IL17B: variants seen among roughly 807,000 people sequenced by gnomAD.
The protein encoded by IL17B is interleukin-17B.
A neutral mutation model predicts 14.7 loss-of-function variants in IL17B; 14 were observed. The ratio of observed to expected loss-of-function variants is 0.95; its 90% CI spans 0.63 to 1.49. IL17B has a LOEUF of 1.49. Ranked by LOEUF, IL17B falls within the 40% of genes most tolerant of loss-of-function variation. The pLI is 0.00. For synonymous variants in IL17B, 105 were observed against 94.8 expected (o/e 1.11, Z -0.62); for missense variants, 233 against 252.8 (o/e 0.92, Z 0.53).
At chr5:149,396,440 A>G (rs879298837) in intron 1 of IL17B, among the ~76,000 whole-genome samples, 16 of 152,342 alleles carry the variant, frequency 1.1e-4, no homozygotes, top group Non-Finnish European at 1.9e-4. Flanking sequence ...TAAGAAGTCT[A>G]TCTTCTTTGA....
chr5:149,390,613 AC>A (rs1758925274), intron 1 of IL17B, among the ~76,000 whole-genome samples: 1 of 143,200 alleles, frequency 7.0e-6, no homozygotes, highest in Non-Finnish European at 1.5e-5. Context: ...ACACACACAC[AC>A]ACACACACAC....
At chr5:149,398,762 T>C (rs544277095) in intron 1 of IL17B, among the ~76,000 whole-genome samples, 2 of 152,236 alleles carry the variant, frequency 1.3e-5, no homozygotes, top group South Asian at 4.1e-4. Flanking sequence ...CAAAATTTGC[T>C]GGGCATGGTG....
At chr5:149,400,700 T>C (rs1378109865) in intron 1 of IL17B, among the ~76,000 whole-genome samples, 1 of 152,156 alleles carries the variant, frequency 6.6e-6, no homozygotes, top group African/African-American at 2.4e-5. Flanking sequence ...CTTACATGAT[T>C]ATAAAGGCCA....
At chr5:149,391,166 A>G (rs1758944169) in intron 1 of IL17B, among the ~76,000 whole-genome samples, 1 of 152,162 alleles carries the variant, frequency 6.6e-6, no homozygotes, top group Non-Finnish European at 1.5e-5. Flanking sequence ...GGATTTTACC[A>G]TGTTGGCCAG....
chr5:149,380,736 G>A (rs527701098), upstream of IL17B, among the ~76,000 whole-genome samples: 38 of 152,318 alleles, frequency 2.5e-4, no homozygotes, highest in Middle Eastern at 3.4e-3. Context: ...GCTGAGGGCC[G>A]GTCTTGGCCA....
chr5:149,377,083 A>G (rs1758565174), intron 1 of IL17B, 58 bp from the exon 2 acceptor site: 1 of 1,434,100 alleles, frequency 7.0e-7, no homozygotes, highest in Non-Finnish European at 9.4e-7. Context: ...CTGGGCCAAG[A>G]CTTGGGGTCC....
In IL17B at chr5:149,374,616, G is replaced by C. The variant is rs768394007; in HGVS notation, c.312-16C>G. The C allele has an allele frequency of 6.3e-7, 1 of 1,598,520 alleles. No individual in the cohort carries two copies. Among genetic ancestry groups the C allele is most frequent in the Admixed American group, 1.7e-5 (1 of 59,702 alleles). On this transcript the variant is annotated splice_polypyrimidine_tract_variant and intron_variant, in intron 2 of 2. Coordinates refer to ENST00000261796, the MANE Select transcript of IL17B (RefSeq NM_014443.3). The surrounding 1 kb of genome is among the most constrained non-coding windows in gnomAD (Gnocchi z 5.0). ...GTGGTTGATGCTGCAGGGAGCAGAA[G>C]AAAGAGCAGAGCGGAAGGTGATCAG...
rs372213160 is a variant in IL17B at position 149,379,263 on chromosome 5, G to T, written c.-38C>A. 1.2e-6 allele frequency: 2 copies of T among 1,613,136 alleles called. No homozygotes were observed. The highest frequency in any genetic ancestry group is 1.7e-6 in the Non-Finnish European group (2 of 1,179,418). ...CAAGGTCAGCCTGCAGCTGCTGCCC[G>T]CCTGGAACCCCAGATGCCGCCGAGA... is the stretch of plus-strand genomic sequence containing the variant. On this transcript the variant is annotated 5_prime_UTR_variant, in exon 1 of 3. Coordinates refer to ENST00000261796, the MANE Select transcript of IL17B (RefSeq NM_014443.3).
At chr5:149,380,541 T>C (rs2227467), upstream of IL17B, among the ~76,000 whole-genome samples, 611 of 152,064 alleles carry the variant, frequency 4.0e-3, 2 homozygotes, top group Middle Eastern at 6.8e-3. Context: ...GACCTCAGGG[T>C]CCAAAGGTCC....
At chr5:149,395,163 C>CGGAA (rs1759066363) in intron 1 of IL17B, among the ~76,000 whole-genome samples, 2 of 152,118 alleles carry the variant, frequency 1.3e-5, no homozygotes, top group African/African-American at 4.8e-5. Context: ...TGACCTCCAG[C>CGGAA]TTCCATCCAT....
intron 1 of IL17B, among the ~76,000 whole-genome samples, chr5:149,390,456 G>C (rs1758920526): frequency 6.6e-6 from 1 of 151,916 alleles, no homozygotes; most frequent in Admixed American, 6.6e-5. Context: ...CTACCACGTA[G>C]TGACACCCCC....
upstream of IL17B, among the ~76,000 whole-genome samples, chr5:149,381,344 G>A (rs964011366): frequency 1.1e-4 from 17 of 152,190 alleles, no homozygotes; most frequent in South Asian, 2.1e-4. Context: ...ATCTTAGCAC[G>A]AGGCCAGTTT....
At chr5:149,375,352 G>A (rs751786621) in intron 2 of IL17B, among the ~76,000 whole-genome samples, 2 of 152,136 alleles carry the variant, frequency 1.3e-5, no homozygotes, top group African/African-American at 2.4e-5. Context: ...TGCTAAATAC[G>A]GGACAAGGAA....
intron 1 of IL17B, among the ~76,000 whole-genome samples, chr5:149,396,932 C>T (rs1181295839): frequency 6.6e-6 from 1 of 152,072 alleles, no homozygotes; most frequent in East Asian, 1.9e-4. Context: ...AAGCATGGCG[C>T]TATATGGGAA....
upstream of IL17B, among the ~76,000 whole-genome samples, chr5:149,380,431 C>A (rs966672115): frequency 6.6e-6 from 1 of 152,182 alleles, no homozygotes. Flanking sequence ...GTTCTCATTT[C>A]TCTACTGACT....
intron 1 of IL17B, among the ~76,000 whole-genome samples, chr5:149,397,297 G>A (rs560648944): frequency 1.3e-5 from 2 of 152,054 alleles, no homozygotes; most frequent in Non-Finnish European, 2.9e-5. Flanking sequence ...AGCCTCCCGA[G>A]TAGCAGGATT....
At chr5:149,399,020 A>T (rs1759155531) in intron 1 of IL17B, among the ~76,000 whole-genome samples, 1 of 152,198 alleles carries the variant, frequency 6.6e-6, no homozygotes, top group African/African-American at 2.4e-5. Context: ...TTGTCTAGGG[A>T]AACTCCCGTT....
chr5:149,382,919 T>C (rs759173621), upstream of IL17B, among the ~76,000 whole-genome samples: 16 of 152,116 alleles, frequency 1.1e-4, no homozygotes, highest in Non-Finnish European at 2.2e-4. Context: ...AAACTGACTA[T>C]AATACAGGGA....
Position 149,374,410 on chromosome 5 carries a change from C to G in IL17B, c.502G>C (p.Val168Leu). ...CAGCCCACAGCGATGGTCTCCATGA[C>G]TGCGCGCTGGCGGCAAGGCCCTGTG... ...PRTGPCRQRA[V>L]METIAVGCTC... The change falls in exon 3 of 3, where the codon GTC becomes CTC. Residue 168 changes from valine to leucine, a missense_variant. Physicochemically the swap from Val to Leu is conservative, Grantham distance 32 (BLOSUM62 1). Coordinates refer to ENST00000261796, the MANE Select transcript of IL17B (RefSeq NM_014443.3). The surrounding 1 kb of genome is among the most constrained non-coding windows in gnomAD (Gnocchi z 5.0). 1 of 1,602,644 alleles carries G rather than the reference C, an allele frequency of 6.2e-7. No individual in the cohort carries two copies. Among genetic ancestry groups the G allele is most frequent in the Non-Finnish European group, 8.5e-7 (1 of 1,177,298 alleles).
Sources: allele counts gnomAD v4.1 joint callset (sites outside exome capture counted in the v4.1 genomes callset), GRCh38; gene constraint gnomAD v4.1.1; non-coding constraint Gnocchi (gnomAD v3.1); transcripts MANE v1.5; gene names NCBI Gene and HGNC (gene_info 2026-07-23, HGNC 2026-07-21).